Variants in TANC2 observed in about 807,000 individuals in gnomAD.
The protein encoded by TANC2 is tetratricopeptide repeat, ankyrin repeat and coiled-coil containing 2.
Under a neutral mutation model 210.5 loss-of-function variants are expected in TANC2, and 26 were observed. The ratio of observed to expected loss-of-function variants is 0.12; its 90% CI spans 0.09 to 0.17. TANC2 has a LOEUF of 0.17. Ranked by LOEUF, TANC2 falls within the 10% of genes least tolerant of loss-of-function variation. TANC2 has a pLI of 1.00. For missense variants in TANC2, 2,129 were observed against 2,608.9 expected (o/e 0.82, Z 4.01); for synonymous variants, 931 against 967.1 (o/e 0.96, Z 0.69).
At chr17:63,294,269 G>A (rs1189265725) in intron 9 of TANC2, among the ~76,000 whole-genome samples, 1 of 152,066 alleles carries the variant, frequency 6.6e-6, no homozygotes, top group Non-Finnish European at 1.5e-5. Context: ...CTTCAGTTCA[G>A]GAGTTCGACA....
intron 4 of TANC2, among the ~76,000 whole-genome samples, chr17:63,127,003 A>G (rs2038735735): frequency 6.6e-6 from 1 of 152,254 alleles, no homozygotes; most frequent in Non-Finnish European, 1.5e-5. Flanking sequence ...CTGCTTACCT[A>G]AGCCTGAGGC....
At chr17:63,330,741 C>T (rs1421033183) in intron 11 of TANC2, among the ~76,000 whole-genome samples, 1 of 152,186 alleles carries the variant, frequency 6.6e-6, no homozygotes, top group Non-Finnish European at 1.5e-5. Flanking sequence ...CCTCTAGCCT[C>T]TCTGAATGGA....
At chr17:62,972,916 G>C (rs78803300) in intron 1 of TANC2, among the ~76,000 whole-genome samples, 4,430 of 152,060 alleles carry the variant, frequency 0.029, 78 homozygotes, top group South Asian at 0.037. Context: ...GCCATCATGC[G>C]TTAGCCCAAT....
intron 15 of TANC2, among the ~76,000 whole-genome samples, chr17:63,382,614 TTTTC>T (rs572999115): frequency 2.9e-4 from 44 of 152,336 alleles, no homozygotes; most frequent in African/African-American, 7.2e-4. Context: ...CTTCAAATAT[TTTTC>T]TTTATTTTTA....
intron 12 of TANC2, among the ~76,000 whole-genome samples, chr17:63,346,132 G>C (rs546336533): frequency 6.6e-6 from 1 of 152,218 alleles, no homozygotes; most frequent in African/African-American, 2.4e-5. Context: ...ATATGAGATG[G>C]ATCACAGACC....
At chr17:63,073,803 C>G (rs1430972960) in intron 2 of TANC2, 140 bp from the exon 3 acceptor site, 3 of 807,864 alleles carry the variant, frequency 3.7e-6, no homozygotes, top group Non-Finnish European at 5.5e-6. Flanking sequence ...TAAGAAAAAT[C>G]CTCAAATATT....
chr17:63,418,471 G>A lies in TANC2; in HGVS notation c.4268+64G>A, dbSNP rs1025226721. The A allele has an allele frequency of 1.4e-5, 21 of 1,461,786 alleles. No individual in the cohort carries two copies. The highest frequency in any genetic ancestry group is 2.4e-5 in the South Asian group (2 of 82,594). 90.6% of individuals were successfully genotyped at this position (1,461,786 alleles called of 1,614,324 possible). ...TTTCTGAAAATTTGGCCAAGGCAGC[G>A]TCGGCCACCCTGGGGCATATGTACC... On this transcript the variant is annotated intron_variant, in intron 27 of 27. Transcript: ENST00000689528. The surrounding 1 kb of genome is among the most constrained non-coding windows in gnomAD (Gnocchi z 4.6).
rs542182794 is a variant in TANC2, at chr17:63,251,133, C to A, written c.1033+13056C>A. ...GAATTGGGCATTTCTTTCTTGTTCT[C>A]AAGAACCTACTACAATCAGTGAAGG... is the stretch of plus-strand genomic sequence containing the variant. On this transcript the variant is annotated intron_variant, in intron 8 of 27. Coordinates refer to ENST00000689528, the Ensembl canonical transcript of TANC2. 1.8e-3 allele frequency among the ~76,000 whole-genome samples: 268 copies of A among 152,230 alleles called. 1 individual carries two copies. The highest frequency in any genetic ancestry group is 2.5e-3 in the Non-Finnish European group (170 of 67,994).
At chr17:63,130,645 G>T (rs375697081) in intron 4 of TANC2, among the ~76,000 whole-genome samples, 2 of 152,156 alleles carry the variant, frequency 1.3e-5, no homozygotes, top group East Asian at 3.9e-4. Flanking sequence ...ATTTCAAGGG[G>T]CATAGTCTAA....
chr17:63,367,983 G>C (rs1221494201), intron 14 of TANC2, among the ~76,000 whole-genome samples: 3 of 152,208 alleles, frequency 2.0e-5, no homozygotes, highest in African/African-American at 7.2e-5. Context: ...ATGAAGGGAA[G>C]AGACTGCAAG....
intron 7 of TANC2, among the ~76,000 whole-genome samples, chr17:63,214,965 C>T (rs938706481): frequency 1.3e-5 from 2 of 152,126 alleles, no homozygotes; most frequent in African/African-American, 4.8e-5. Context: ...TCCCAAAAAG[C>T]CTTAGAAAGG....
chr17:63,166,944 GA>G (rs1308242417), intron 5 of TANC2, among the ~76,000 whole-genome samples: 1 of 151,698 alleles, frequency 6.6e-6, no homozygotes, highest in Non-Finnish European at 1.5e-5. Context: ...ATAAGAAAGA[GA>G]AAAAAAGGAG....
chr17:62,999,495 CCTAA>C (rs1458750432), intron 1 of TANC2, among the ~76,000 whole-genome samples: 3 of 152,110 alleles, frequency 2.0e-5, no homozygotes, highest in Non-Finnish European at 2.9e-5. Flanking sequence ...AACAGGAAGA[CCTAA>C]CTATTTTAAA....
chr17:63,325,788 T>G (rs1273389255), intron 11 of TANC2, among the ~76,000 whole-genome samples: 1 of 152,228 alleles, frequency 6.6e-6, no homozygotes, highest in Admixed American at 6.5e-5. Flanking sequence ...CAATTCAGAA[T>G]CAGATTCATG....
At chr17:63,129,066 G>A (rs1220894670) in intron 4 of TANC2, among the ~76,000 whole-genome samples, 1 of 152,050 alleles carries the variant, frequency 6.6e-6, no homozygotes, top group African/African-American at 2.4e-5. Flanking sequence ...CACCCAGGCT[G>A]GATGGCTCAC....
chr17:63,371,490 A>G (rs541339424), intron 14 of TANC2, among the ~76,000 whole-genome samples: 93 of 151,930 alleles, frequency 6.1e-4, no homozygotes, highest in Non-Finnish European at 4.4e-4. Context: ...AAATCAAAGC[A>G]CCTAAGTGTT....
chr17:63,010,684 G>A (rs1372097634), intron 2 of TANC2, among the ~76,000 whole-genome samples: 1 of 152,142 alleles, frequency 6.6e-6, no homozygotes, highest in Non-Finnish European at 1.5e-5. Context: ...CTACAAATCG[G>A]AGGTTCCCAT....
In TANC2 at chr17:63,292,319, CAAG is replaced by C. The variant is rs1164516396; in HGVS notation, c.1160-22066_1160-22064del. ...TTAAAGATATATCAGGAGGAGAAGA[CAAG>C]AAAAGAACTGGAAGAAAGTGTCGTC... On this transcript the variant is annotated intron_variant, in intron 9 of 27. Coordinates refer to ENST00000689528, the Ensembl canonical transcript of TANC2. Among the ~76,000 whole-genome samples, 3 of 151,894 alleles carry C rather than the reference CAAG, an allele frequency of 2.0e-5. No homozygotes were observed. In the East Asian group the frequency reaches 5.8e-4, roughly 29 times the overall value.
chr17:63,363,132 TA>T (rs2047013786), intron 14 of TANC2, among the ~76,000 whole-genome samples: 1 of 152,252 alleles, frequency 6.6e-6, no homozygotes, highest in East Asian at 1.9e-4. Flanking sequence ...AGTGATCATA[TA>T]CCTGTTTGCC....
Sources: gnomAD v4.1 joint callset for allele counts (sites outside exome capture counted in the v4.1 genomes callset) on GRCh38, gnomAD v4.1.1 for gene constraint, Gnocchi (gnomAD v3.1) non-coding constraint, MANE v1.5 for transcripts, NCBI Gene and HGNC (gene_info 2026-07-23, HGNC 2026-07-21) for gene names.